The following ADAMTS16 variants were observed in gnomAD, a reference collection of about 807,000 sequenced individuals.
ADAMTS16 encodes ADAM metallopeptidase with thrombospondin type 1 motif 16, also known as A disintegrin and metalloproteinase with thrombospondin motifs 16.
ADAMTS16 carries 94 observed loss-of-function variants against 145.8 expected under a neutral mutation model. That is an observed-to-expected ratio of 0.64 (90% CI 0.55 to 0.77). The LOEUF is 0.77. Among genes scored for constraint, ADAMTS16 ranks in the 30% least tolerant of loss-of-function variants. The pLI, the probability that ADAMTS16 is intolerant of heterozygous loss-of-function variation, is 0.00. For synonymous variants in ADAMTS16, 659 were observed against 604.3 expected, an observed-to-expected ratio of 1.09 and a Z score of -1.33; for missense variants, 1,585 against 1,591.5, an observed-to-expected ratio of 1.00 and a Z score of 0.07.
chr5:5,181,663 G>A (rs1026092650), intron 3 of ADAMTS16, among the ~76,000 whole-genome samples: 2 of 152,108 alleles, frequency 1.3e-5, no homozygotes, highest in Non-Finnish European at 2.9e-5. Flanking sequence ...CTTTATCTGA[G>A]ACCCCTCACC....
chr5:5,244,107 T>C (rs1275632937), intron 17 of ADAMTS16, among the ~76,000 whole-genome samples: 1 of 152,200 alleles, frequency 6.6e-6, no homozygotes, highest in African/African-American at 2.4e-5. Context: ...GCCTTCCTTG[T>C]AAAAACCTGA....
rs373309305 is a variant in ADAMTS16 at position 5,182,115 on chromosome 5, C to T, written c.573C>T (p.Leu191=). 3.3e-5 allele frequency: 54 copies of T among 1,613,946 alleles called. No homozygotes were observed. Among genetic ancestry groups the T allele is most frequent in the Non-Finnish European group, 4.2e-5 (50 of 1,180,042 alleles). The stretch of plus-strand genomic sequence containing the variant: ...TTCCTTCACACCTCTCATGGAAACT[C>T]GGCAGAGCTGCCCAAGGCAGCTCGC... The part of the protein sequence containing the change: ...RPLPSHLSWK[L]GRAAQGSSPS... Residue 191 remains leucine, a synonymous_variant, in exon 4 of 23, where the codon CTC becomes CTT. Coordinates refer to ENST00000274181, the MANE Select transcript of ADAMTS16 (RefSeq NM_139056.4).
intron 9 of ADAMTS16, among the ~76,000 whole-genome samples, chr5:5,207,813 G>C (rs947141886): frequency 6.0e-5 from 9 of 151,046 alleles, no homozygotes; most frequent in South Asian, 2.1e-4. Flanking sequence ...GCCTATTGAT[G>C]TAATAGATTA....
At chr5:5,264,820 C>G (rs1204334301) in intron 18 of ADAMTS16, among the ~76,000 whole-genome samples, 2 of 152,186 alleles carry the variant, frequency 1.3e-5, no homozygotes, top group Non-Finnish European at 2.9e-5. Flanking sequence ...AGATGCAGCA[C>G]ACTGAGGCAT....
chr5:5,243,036 T>A (rs16875126), intron 17 of ADAMTS16, among the ~76,000 whole-genome samples: 2,580 of 152,280 alleles, frequency 0.017, 74 homozygotes, highest in African/African-American at 0.056. Flanking sequence ...AAATGAGAAC[T>A]GGCATAAAGT....
intron 17 of ADAMTS16, among the ~76,000 whole-genome samples, chr5:5,258,326 T>C (rs1416993338): frequency 6.6e-6 from 1 of 152,194 alleles, no homozygotes; most frequent in Non-Finnish European, 1.5e-5. Flanking sequence ...TAGAAATCAA[T>C]GGTGGCTTCT....
In ADAMTS16 at chr5:5,177,397, T is replaced by G. The variant is rs541611100; in HGVS notation, c.502-4647T>G. ...ATGCATGATTCCTGTGACCAGCATA[T>G]CAGCCCCGTTGTCCTTGAAGACAGA... On this transcript the variant is annotated intron_variant, in intron 3 of 22. Coordinates refer to ENST00000274181, the MANE Select transcript of ADAMTS16 (RefSeq NM_139056.4). 1.2e-4 allele frequency among the ~76,000 whole-genome samples: 19 copies of G among 152,336 alleles called. No homozygotes were observed. In the South Asian group the frequency reaches 3.7e-3, roughly 30 times the overall value.
intron 4 of ADAMTS16, among the ~76,000 whole-genome samples, chr5:5,184,237 C>T (rs759154646): frequency 4.0e-5 from 6 of 151,328 alleles, no homozygotes; most frequent in African/African-American, 1.2e-4. Context: ...GCACTGTCAC[C>T]GATGCATGGA....
chr5:5,176,748 C>T (rs953647055), intron 3 of ADAMTS16, among the ~76,000 whole-genome samples: 5 of 152,226 alleles, frequency 3.3e-5, no homozygotes, highest in African/African-American at 1.2e-4. Context: ...AAATTATACT[C>T]TGCTTTCTCT....
At chr5:5,182,704 A>G (rs556835185) in intron 4 of ADAMTS16, among the ~76,000 whole-genome samples, 2 of 152,316 alleles carry the variant, frequency 1.3e-5, no homozygotes, top group East Asian at 1.9e-4. Flanking sequence ...ATGCATGCTT[A>G]TATACATTAC....
chr5:5,268,259 C>T (rs1405808662), intron 18 of ADAMTS16, among the ~76,000 whole-genome samples: 1 of 152,202 alleles, frequency 6.6e-6, no homozygotes, highest in Non-Finnish European at 1.5e-5. Flanking sequence ...TACATCTAAA[C>T]CACATTTGTA....
At chr5:5,247,123 A>G (rs1003987155) in intron 17 of ADAMTS16, among the ~76,000 whole-genome samples, 1 of 152,108 alleles carries the variant, frequency 6.6e-6, no homozygotes, top group African/African-American at 2.4e-5. Context: ...AACTGCTTCA[A>G]ATGAGATCTT....
chr5:5,165,038 T>C (rs1734834143), intron 3 of ADAMTS16, among the ~76,000 whole-genome samples: 1 of 152,168 alleles, frequency 6.6e-6, no homozygotes, highest in Non-Finnish European at 1.5e-5. Context: ...TGTGGAGTTG[T>C]GCAACCTTCT....
At chr5:5,288,872 G>A (rs942707777) in intron 18 of ADAMTS16, among the ~76,000 whole-genome samples, 1 of 152,194 alleles carries the variant, frequency 6.6e-6, no homozygotes, top group Admixed American at 6.5e-5. Context: ...CCAGCTGTAT[G>A]ATGCTGACCA....
intron 3 of ADAMTS16, among the ~76,000 whole-genome samples, chr5:5,162,700 T>C (rs1457841873): frequency 6.6e-6 from 1 of 151,162 alleles, no homozygotes; most frequent in Non-Finnish European, 1.5e-5. Flanking sequence ...GATTATATGA[T>C]TGAGTGATGA....
At chr5:5,189,025 G>A (rs143179798) in intron 6 of ADAMTS16, among the ~76,000 whole-genome samples, 4 of 152,290 alleles carry the variant, frequency 2.6e-5, no homozygotes, top group Admixed American at 6.5e-5. Context: ...GCTTGCCCCC[G>A]TGTTTGTGTG....
At chr5:5,306,042 C>A (rs764289929) in intron 20 of ADAMTS16, among the ~76,000 whole-genome samples, 1 of 152,196 alleles carries the variant, frequency 6.6e-6, no homozygotes, top group Non-Finnish European at 1.5e-5. Flanking sequence ...TTCCTTTCCT[C>A]GCAGGCAGCA....
intron 9 of ADAMTS16, among the ~76,000 whole-genome samples, chr5:5,206,313 C>G (rs111497025): frequency 7.1e-6 from 1 of 140,352 alleles, no homozygotes. Flanking sequence ...GTAGTCCCAG[C>G]TACTTGGGAG....
intron 9 of ADAMTS16, 65 bp from the exon 10 acceptor site, chr5:5,209,028 T>C (rs1337821767): frequency 4.6e-6 from 7 of 1,513,302 alleles, no homozygotes; most frequent in Non-Finnish European, 6.2e-6. Flanking sequence ...AAAGGCATAA[T>C]TAGTTGTAAG....
Sources: allele counts gnomAD v4.1 joint callset (sites outside exome capture counted in the v4.1 genomes callset), GRCh38; gene constraint gnomAD v4.1.1; transcripts MANE v1.5; gene names NCBI Gene and HGNC (gene_info 2026-07-23, HGNC 2026-07-21).